Variants in TARS2 observed in about 807,000 individuals in gnomAD.
TARS2 encodes the protein threonine--tRNA ligase, mitochondrial.
TARS2 carries 61 observed loss-of-function variants against 94.4 expected under a neutral mutation model. The ratio of observed to expected loss-of-function variants is 0.65; its 90% CI spans 0.53 to 0.80. TARS2 has a LOEUF of 0.80. Among genes scored for constraint, TARS2 ranks in the 30% least tolerant of loss-of-function variants. The pLI is 0.00. For synonymous variants in TARS2, 359 were observed against 353.4 expected (o/e 1.02, Z -0.18); for missense variants, 704 against 902.5 (o/e 0.78, Z 2.82).
intron 13 of TARS2, among the ~76,000 whole-genome samples, chr1:150,502,264 C>A (rs957660269): frequency 2.6e-5 from 4 of 151,656 alleles, no homozygotes; most frequent in Non-Finnish European, 5.9e-5. Flanking sequence ...TGCTCTGTTG[C>A]CAGACTGAAG....
chr1:150,501,561 C>T lies in TARS2; in HGVS notation c.1617+2268C>T, dbSNP rs148118771. ...CCGTGTTAGCCAGGATGGTCTCGAT[C>T]TGCTGACCTCATGATCTGCCCGCCT... On this transcript the variant is annotated intron_variant, in intron 13 of 17. Coordinates refer to ENST00000369064, the MANE Select transcript of TARS2 (RefSeq NM_025150.5). Among the ~76,000 whole-genome samples the T allele has an allele frequency of 3.7e-3, 552 of 149,644 alleles. 3 individuals are homozygous for T. Among genetic ancestry groups the T allele is most frequent in the Non-Finnish European group, 6.3e-3 (424 of 67,592 alleles).
chr1:150,502,104 G>T (rs1669951030), intron 13 of TARS2, among the ~76,000 whole-genome samples: 1 of 151,616 alleles, frequency 6.6e-6, no homozygotes, highest in Non-Finnish European at 1.5e-5. Context: ...GTAGAGATGG[G>T]ATTTCACCAT....
intron 6 of TARS2, chr1:150,491,961 G>GTTTTTT (rs367685337): frequency 1.4e-3 from 184 of 128,696 alleles, no homozygotes; most frequent in South Asian, 2.4e-3. Flanking sequence ...TGCCTGGCTA[G>GTTTTTT]TTTTTTTTTT....
At position 150,496,921 on chromosome 1, in the gene TARS2, A is replaced by G. The variant is rs367895958; in HGVS notation, c.1020+13A>G. 1.7e-5 allele frequency: 28 copies of G among 1,612,658 alleles called. No individual in the cohort carries two copies. In the African/African-American group the frequency reaches 3.3e-4, roughly 19 times the overall value. On this transcript the variant is annotated intron_variant, in intron 9 of 17. Coordinates refer to ENST00000369064, the MANE Select transcript of TARS2 (RefSeq NM_025150.5). ...GGCGTTTATCAGGGTAAGGGGACCC[A>G]GGTCTAGAGGAAAGAAGACCAGGGA...
intron 3 of TARS2, chr1:150,489,319 G>C: frequency 5.5e-6 from 3 of 549,980 alleles, no homozygotes; most frequent in Non-Finnish European, 9.8e-6. Context: ...GAGATGATAT[G>C]TTGAAAAAAC....
At chr1:150,490,114 C>CTTTTTTTTTTTTTTTT (rs772454527) in intron 3 of TARS2, among the ~76,000 whole-genome samples, 1 of 80,178 alleles carries the variant, frequency 1.2e-5, no homozygotes, top group African/African-American at 5.2e-5. Flanking sequence ...TCTATTCAGT[C>CTTTTTTTTTTTTTTTT]TTTTTTTTTT....
intron 2 of TARS2, chr1:150,488,387 T>A (rs921621679): frequency 1.5e-5 from 3 of 198,842 alleles, no homozygotes; most frequent in Non-Finnish European, 3.1e-5. Flanking sequence ...TGTCCTTTCA[T>A]TGGGGAAAGA....
At chr1:150,503,794 T>A (rs748718609) in intron 13 of TARS2, among the ~76,000 whole-genome samples, 2 of 150,334 alleles carry the variant, frequency 1.3e-5, no homozygotes, top group Non-Finnish European at 3.0e-5. Flanking sequence ...TCCCAGCTAC[T>A]CAGGAGGCTG....
At chr1:150,493,534 AC>A (rs1282751979) in intron 7 of TARS2, among the ~76,000 whole-genome samples, 1 of 151,944 alleles carries the variant, frequency 6.6e-6, no homozygotes, top group African/African-American at 2.4e-5. Flanking sequence ...TGGGTGGACC[AC>A]CTGAGGTCGG....
At chr1:150,492,702 C>T (rs978272185) in intron 7 of TARS2, among the ~76,000 whole-genome samples, 3 of 148,934 alleles carry the variant, frequency 2.0e-5, no homozygotes, top group East Asian at 2.1e-4. Context: ...CCTAGCTGCT[C>T]GGGAGGCTGA....
At chr1:150,498,815 TGCCC>T in intron 11 of TARS2, 78 bp from the exon 12 acceptor site, 2 of 1,610,632 alleles carry the variant, frequency 1.2e-6, no homozygotes, top group Admixed American at 1.7e-5. Context: ...TCTCTGTTTT[TGCCC>T]TTTGTTTTCC....
At chr1:150,506,422 T>C (rs1570874373) in intron 17 of TARS2, among the ~76,000 whole-genome samples, 1 of 151,488 alleles carries the variant, frequency 6.6e-6, no homozygotes, top group Non-Finnish European at 1.5e-5. Context: ...GGCGGGGCAG[T>C]GTGAAGGCCA....
Position 150,491,612 on chromosome 1 carries a change from G to A in TARS2, c.645G>A (p.Lys215=). Residue 215 remains lysine (K), a synonymous_variant, in exon 6 of 18, where the codon AAG becomes AAA. Coordinates refer to ENST00000369064, the MANE Select transcript of TARS2 (RefSeq NM_025150.5). ...LRQLFKDNPF[K]LHLIEEKVTG... Reference sequence around the variant, plus strand: ...CCTTTTTCCAGGATAACCCCTTTAAGCTTCACTTGATTGAGGAGAAAGTGA... The same window carrying A: ...CCTTTTTCCAGGATAACCCCTTTAAACTTCACTTGATTGAGGAGAAAGTGA... 1 of 1,614,104 alleles carries A rather than the reference G, an allele frequency of 6.2e-7. No homozygotes were observed. Among genetic ancestry groups the A allele is most frequent in the Non-Finnish European group, 8.5e-7 (1 of 1,180,022 alleles).
chr1:150,491,963 T>G (rs1381791903), intron 6 of TARS2: 1 of 162,912 alleles, frequency 6.1e-6, no homozygotes, highest in Non-Finnish European at 1.1e-5. Context: ...CCTGGCTAGT[T>G]TTTTTTTTTT....
intron 3 of TARS2, among the ~76,000 whole-genome samples, chr1:150,489,691 A>G (rs1053796588): frequency 3.3e-5 from 5 of 152,204 alleles, no homozygotes; most frequent in Non-Finnish European, 7.3e-5. Context: ...CTGTAATCCC[A>G]GCACTTTGGG....
At chr1:150,492,320 T>C in intron 6 of TARS2, 91 bp from the exon 7 acceptor site, 1 of 1,352,266 alleles carries the variant, frequency 7.4e-7, no homozygotes, top group Non-Finnish European at 1.1e-6. Flanking sequence ...TCCTTTCTCT[T>C]CACCTCTTCT....
intron 7 of TARS2, among the ~76,000 whole-genome samples, chr1:150,494,576 C>T (rs1211661216): frequency 6.6e-6 from 1 of 151,794 alleles, no homozygotes; most frequent in African/African-American, 2.4e-5. Context: ...CTCGTCACTA[C>T]TAAAAATAAA....
chr1:150,488,898 T>C, intron 2 of TARS2, 66 bp from the exon 3 acceptor site: 1 of 1,570,988 alleles, frequency 6.4e-7, no homozygotes, highest in African/African-American at 1.4e-5. Flanking sequence ...TCAGAACATG[T>C]GATATTTTCC....
Position 150,498,610 on chromosome 1 carries a change from C to A in TARS2, c.1347C>A (p.Thr449=). ...AEASGGLGGL[T]RLRCFQQDDA... is the part of the protein sequence containing the mutation. ...CCTCTGGTGGTCTGGGGGGACTGAC[C>A]CGACTGCGGTGCTTCCAGCAGGATG... is the stretch of plus-strand genomic sequence containing the variant. The change falls in exon 11 of 18, where the codon ACC becomes ACA. Residue 449 remains threonine, a synonymous_variant. Transcript: ENST00000369064. 1 of 1,612,290 alleles carries A rather than the reference C, an allele frequency of 6.2e-7. No homozygotes were observed. Among genetic ancestry groups the A allele is most frequent in the African/African-American group, 1.3e-5 (1 of 74,908 alleles).
Sources: gnomAD v4.1 joint callset for allele counts (sites outside exome capture counted in the v4.1 genomes callset) on GRCh38, gnomAD v4.1.1 for gene constraint, MANE v1.5 for transcripts, NCBI Gene and HGNC (gene_info 2026-07-23, HGNC 2026-07-21) for gene names.